Variants in C14orf93 observed in about 807,000 individuals in gnomAD.
The protein encoded by C14orf93 is chromosome 14 open reading frame 93, also known as uncharacterized protein C14orf93.
A neutral mutation model predicts 44.0 loss-of-function variants in C14orf93; 23 were observed. The observed-to-expected ratio is 0.52, with a 90% CI of 0.38 to 0.74. The LOEUF is 0.74. Among genes scored for constraint, C14orf93 ranks in the 30% least tolerant of loss-of-function variants. The probability of loss-of-function intolerance (pLI) is 0.00; values close to 1 mark genes in which losing one functional copy is unlikely to be tolerated. For missense variants in C14orf93, 579 were observed against 678.9 expected (o/e 0.85, Z 1.64); for synonymous variants, 253 against 265.7 (o/e 0.95, Z 0.46).
chr14:22,995,247 C>A (rs906107975), intron 3 of C14orf93, among the ~76,000 whole-genome samples: 22 of 152,238 alleles, frequency 1.4e-4, no homozygotes, highest in Non-Finnish European at 4.4e-5. Flanking sequence ...CACCTCAGGA[C>A]AGCTTCACTT....
At chr14:23,003,890 ATATATATATTTTTTTTTTT>A (rs1310022760) in intron 1 of C14orf93, among the ~76,000 whole-genome samples, 9 of 15,502 alleles carry the variant, frequency 5.8e-4, no homozygotes, top group Non-Finnish European at 8.9e-4. Flanking sequence ...ATATATATAT[ATATATATATTTTTTTTTTT>A]TTTTTTTTTT....
Position 22,998,461 on chromosome 14 carries a change from A to T in C14orf93, c.563T>A (p.Leu188Gln). The T allele has an allele frequency of 6.2e-7, 1 of 1,600,144 alleles. No individual in the cohort carries two copies. The highest frequency in any genetic ancestry group is 1.1e-5 in the South Asian group (1 of 89,682). ...CAGGGGGGCCGCCTCGCTGGCAGCCAGCGTGCACCCTGGGAGCCGCATGTC... is the reference window on the plus strand; with the variant it reads ...CAGGGGGGCCGCCTCGCTGGCAGCCTGCGTGCACCCTGGGAGCCGCATGTC... ...QRDMRLPGCT[L>Q]AASEAAPLLN... Residue 188 changes from leucine to glutamine, a missense_variant, in exon 2 of 7, where the codon CTG becomes CAG. Transcript: ENST00000299088.
chr14:22,991,270 T>G (rs994342989), intron 3 of C14orf93, among the ~76,000 whole-genome samples: 20 of 148,832 alleles, frequency 1.3e-4, no homozygotes, highest in African/African-American at 4.7e-4. Flanking sequence ...CTCATGCCTG[T>G]AATCCCAGTA....
chr14:23,009,224 A>G (rs1371190636), intron 1 of C14orf93, among the ~76,000 whole-genome samples: 1 of 152,230 alleles, frequency 6.6e-6, no homozygotes, highest in Non-Finnish European at 1.5e-5. Flanking sequence ...GAGCAGAAAA[A>G]TATAGTAAAT....
intron 1 of C14orf93, among the ~76,000 whole-genome samples, chr14:23,007,861 T>G (rs892628424): frequency 2.0e-5 from 3 of 151,972 alleles, no homozygotes; most frequent in African/African-American, 7.2e-5. Flanking sequence ...CATTAAAAAT[T>G]CCCGTAACTG....
intron 3 of C14orf93, 38 bp downstream of exon 3, chr14:22,995,910 A>C (rs1364749835): frequency 6.6e-7 from 1 of 1,524,512 alleles, no homozygotes; most frequent in African/African-American, 1.4e-5. Context: ...TTATCTCTCC[A>C]GACTGAAGAA....
intron 3 of C14orf93, 63 bp from the exon 4 acceptor site, chr14:22,990,190 G>A: frequency 7.0e-7 from 1 of 1,428,912 alleles, no homozygotes; most frequent in Non-Finnish European, 9.8e-7. Flanking sequence ...CTCTCCTCTG[G>A]TCCCTAGGGT....
intron 1 of C14orf93, among the ~76,000 whole-genome samples, chr14:23,000,714 CAA>C (rs758471653): frequency 6.9e-4 from 38 of 55,090 alleles, no homozygotes; most frequent in East Asian, 3.4e-3. Context: ...GACTCCACCT[CAA>C]AAAAAAAAAA....
Position 22,996,983 on chromosome 14 carries a change from GCACA to G in C14orf93, c.598-719_598-716del, listed in dbSNP as rs200829885. 0.033 allele frequency among the ~76,000 whole-genome samples: 2,043 copies of G among 62,546 alleles called. 40 individuals are homozygous for G. The highest frequency in any genetic ancestry group is 0.088 in the African/African-American group (1,838 of 20,782). The allele number at this position is 62,546 out of a possible 152,430, so 41.0% of individuals were successfully genotyped here. A position where few individuals can be genotyped will look rare whatever the true frequency, so the allele number is the denominator to read the frequency against. The stretch of plus-strand genomic sequence containing the variant: ...TGAAAGTGGGGACACACACGCACAC[GCACA>G]CACACACACACACACACACACACAG... On this transcript the variant is annotated intron_variant, in intron 2 of 6. Transcript: ENST00000299088. This position sits in a 1 kb window ranked among gnomAD's most constrained non-coding sequence, Gnocchi z 4.1.
intron 3 of C14orf93, among the ~76,000 whole-genome samples, chr14:22,991,114 G>A (rs915024036): frequency 2.7e-5 from 4 of 150,660 alleles, no homozygotes; most frequent in African/African-American, 4.9e-5. Flanking sequence ...CACTGCGCCC[G>A]GCCCCTACTC....
At chr14:22,998,195 A>C in intron 2 of C14orf93, 3 of 483,074 alleles carry the variant, frequency 6.2e-6, no homozygotes, top group Non-Finnish European at 6.9e-6. Context: ...GAGAGAGGGA[A>C]GGGCACCCCA....
intron 4 of C14orf93, 60 bp downstream of exon 4, chr14:22,990,006 C>G: frequency 6.6e-7 from 1 of 1,507,996 alleles, no homozygotes. Context: ...GAGCATCCCC[C>G]TCTACTTCCC....
Position 22,990,112 on chromosome 14 carries a change from C to A in C14orf93, c.934G>T (p.Val312Leu), listed in dbSNP as rs760376973. The A allele has an allele frequency of 7.1e-5, 115 of 1,613,466 alleles. No homozygotes were observed. Among genetic ancestry groups the A allele is most frequent in the Non-Finnish European group, 8.5e-5 (100 of 1,179,648 alleles). Residue 312 changes from valine to leucine, a missense_variant, in exon 4 of 7, where the codon GTG becomes TTG. Transcript: ENST00000299088. Reference protein sequence around the residue: ...DLVLSKLVHNVHNHITNDKRF... With the variant: ...DLVLSKLVHNLHNHITNDKRF... Reference sequence around the variant, plus strand: ...TTGTCATTGGTGATGTGGTTATGCACATTGTGGACCAGTTTCTAGGAGGAA... The same window carrying A: ...TTGTCATTGGTGATGTGGTTATGCAAATTGTGGACCAGTTTCTAGGAGGAA...
intron 4 of C14orf93, 64 bp downstream of exon 4, chr14:22,990,001 TC>T: frequency 6.7e-7 from 1 of 1,483,240 alleles, no homozygotes; most frequent in Non-Finnish European, 9.4e-7. Flanking sequence ...TATTGGAGCA[TC>T]CCCCTCTACT....
intron 1 of C14orf93, chr14:23,005,592 AAAAAAGAG>A (rs1463514404): frequency 6.6e-6 from 1 of 152,230 alleles, no homozygotes; most frequent in Non-Finnish European, 1.5e-5. Flanking sequence ...GACTAGGTCT[AAAAAAGAG>A]AAAAAGATCT....
rs780256403 is a variant in C14orf93, at chr14:23,001,839, TAAAAAAAAAAAA to T, written c.-379-2449_-379-2438del. 1.8e-4 allele frequency among the ~76,000 whole-genome samples: 11 copies of T among 59,586 alleles called. 1 individual carries two copies. The South Asian group carries it at 3.0e-3, about 16-fold the overall frequency. 39.1% of individuals were successfully genotyped at this position (59,586 alleles called of 152,430 possible). A position where few individuals can be genotyped will look rare whatever the true frequency, so the allele number is the denominator to read the frequency against. ...TCCAAAACAGCACTGTACTGCAGGT[TAAAAAAAAAAAA>T]AAAAAAAAAAAAAAAAGGGCTGGGC... On this transcript the variant is annotated intron_variant, in intron 1 of 6. Transcript: ENST00000299088.
Position 22,987,751 on chromosome 14 carries a change from C to G in C14orf93, c.1198-117G>C. ...TCTGTGCCTAAGTGAACCCAGTCCC[C>G]AAGTCAGATCTTAGCATTGGCTCAC... On this transcript the variant is annotated intron_variant, in intron 6 of 6. Coordinates refer to ENST00000299088, the MANE Select transcript of C14orf93 (RefSeq NM_021944.4). The surrounding 1 kb of genome is among the most constrained non-coding windows in gnomAD (Gnocchi z 5.6). 3 of 1,259,982 alleles carry G rather than the reference C, an allele frequency of 2.4e-6. No homozygotes were observed. The Admixed American group carries it at 7.5e-5, about 32-fold the overall frequency. The allele number at this position is 1,259,982 out of a possible 1,614,324, so 78.1% of individuals were successfully genotyped here.
intron 5 of C14orf93, 127 bp downstream of exon 5, chr14:22,989,615 T>TTTCAAATCCACTA: frequency 1.5e-6 from 1 of 681,644 alleles, no homozygotes; most frequent in East Asian, 2.7e-5. Context: ...CCAAAAAATG[T>TTTCAAATCCACTA]TTCAAATCCA....
intron 3 of C14orf93, among the ~76,000 whole-genome samples, chr14:22,990,791 C>T (rs1284534539): frequency 1.3e-5 from 2 of 150,068 alleles, no homozygotes; most frequent in Admixed American, 1.3e-4. Flanking sequence ...CCTGAAGTCC[C>T]CTTCTCTTGC....
Sources: gnomAD v4.1 joint callset for allele counts (sites outside exome capture counted in the v4.1 genomes callset) on GRCh38, gnomAD v4.1.1 for gene constraint, Gnocchi (gnomAD v3.1) non-coding constraint, MANE v1.5 for transcripts, NCBI Gene and HGNC (gene_info 2026-07-23, HGNC 2026-07-21) for gene names.